The following CHST11 variants were observed in gnomAD, a reference collection of about 807,000 sequenced individuals.
CHST11 encodes carbohydrate sulfotransferase 11.
A neutral mutation model predicts 30.4 loss-of-function variants in CHST11; 9 were observed. The observed-to-expected ratio is 0.30, with a 90% confidence interval of 0.18 to 0.52. The LOEUF (loss-of-function observed/expected upper bound fraction) is 0.52. Among genes scored for constraint, CHST11 ranks in the 20% least tolerant of loss-of-function variants. CHST11 has a pLI of 0.97. For synonymous variants in CHST11, 152 were observed against 187.8 expected (o/e 0.81, Z 1.56); for missense variants, 348 against 460.6 (o/e 0.76, Z 2.24).
At position 104,757,875 on chromosome 12, in the gene CHST11, T is replaced by C. The variant is rs538313216; in HGVS notation, c.*72T>C. 5.1e-6 allele frequency: 7 copies of C among 1,385,718 alleles called. No homozygotes were observed. The African/African-American group carries it at 7.3e-5, about 14-fold the overall frequency. 85.8% of individuals were successfully genotyped at this position (1,385,718 alleles called of 1,614,324 possible). ...TTATTTGTCAAAAGAATTATATGGA[T>C]ATTGGGTTATTTTGTAAATTAATAT... On this transcript the variant is annotated 3_prime_UTR_variant, in exon 3 of 3. Coordinates refer to ENST00000303694, the MANE Select transcript of CHST11 (RefSeq NM_018413.6). This position sits in a 1 kb window ranked among gnomAD's most constrained non-coding sequence, Gnocchi z 6.5.
At chr12:104,755,455 C>G (rs1315876444) in intron 2 of CHST11, among the ~76,000 whole-genome samples, 1 of 152,090 alleles carries the variant, frequency 6.6e-6, no homozygotes, top group African/African-American at 2.4e-5. Flanking sequence ...GGTTATTCCA[C>G]TTGTGTGGCA....
At chr12:104,699,936 T>C (rs1469444923) in intron 2 of CHST11, among the ~76,000 whole-genome samples, 1 of 152,234 alleles carries the variant, frequency 6.6e-6, no homozygotes, top group Admixed American at 6.5e-5. Context: ...CCAAATCTCT[T>C]GGTTCCACTC....
At chr12:104,552,196 T>C (rs1313218768) in intron 1 of CHST11, 1 of 152,284 alleles carries the variant, frequency 6.6e-6, no homozygotes, top group African/African-American at 2.4e-5. Flanking sequence ...GGCCTAACAC[T>C]GTATGCCACT....
chr12:104,488,445 A>G (rs1472703807), intron 1 of CHST11, among the ~76,000 whole-genome samples: 3 of 141,460 alleles, frequency 2.1e-5, no homozygotes, highest in Non-Finnish European at 3.1e-5. Context: ...GCATGTATGT[A>G]TGTGTGTATA....
chr12:104,463,208 T>C (rs149345479), intron 1 of CHST11, among the ~76,000 whole-genome samples: 266 of 152,326 alleles, frequency 1.7e-3, no homozygotes, highest in African/African-American at 5.2e-3. Flanking sequence ...AAGGCTCTCA[T>C]GAAAGTCATT....
intron 1 of CHST11, among the ~76,000 whole-genome samples, chr12:104,574,737 T>C (rs2136026831): frequency 6.6e-6 from 1 of 152,022 alleles, no homozygotes; most frequent in South Asian, 2.1e-4. Flanking sequence ...AGGGATAGCA[T>C]TAGGAGATAT....
At chr12:104,604,959 A>G (rs1486717103) in intron 2 of CHST11, among the ~76,000 whole-genome samples, 4 of 152,132 alleles carry the variant, frequency 2.6e-5, no homozygotes, top group Non-Finnish European at 2.9e-5. Flanking sequence ...TAGGTTTTAT[A>G]TCCCCATTTT....
At chr12:104,709,822 C>G (rs1420965457) in intron 2 of CHST11, among the ~76,000 whole-genome samples, 1 of 152,168 alleles carries the variant, frequency 6.6e-6, no homozygotes, top group East Asian at 1.9e-4. Flanking sequence ...TTTGAAATAA[C>G]AAAAACTGAA....
intron 2 of CHST11, among the ~76,000 whole-genome samples, chr12:104,617,723 T>A (rs1385810452): frequency 6.6e-6 from 1 of 152,220 alleles, no homozygotes; most frequent in Non-Finnish European, 1.5e-5. Context: ...TTATACTTAC[T>A]GGCAGAGCAA....
At chr12:104,693,275 G>C (rs929291005) in intron 2 of CHST11, among the ~76,000 whole-genome samples, 37 of 152,178 alleles carry the variant, frequency 2.4e-4, no homozygotes, top group African/African-American at 8.4e-4. Flanking sequence ...AAATTTGAAG[G>C]GGTCACAGAT....
rs779782743 is a variant in CHST11, at chr12:104,457,422, C to A, written c.11C>A (p.Ala4Glu). MKP[A>E]LLEVMRMNRI... ...AGCCAGGACAAAGCCATGAAGCCAGCGCTGCTGGAAGTGATGAGGATGAAC... is the reference window on the plus strand; with the variant it reads ...AGCCAGGACAAAGCCATGAAGCCAGAGCTGCTGGAAGTGATGAGGATGAAC... Residue 4 changes from alanine (A) to glutamate (E), a missense_variant, in exon 1 of 3, where the codon GCG becomes GAG. By Grantham distance (107) the Ala-to-Glu change is moderately radical (BLOSUM62 -1). Transcript: ENST00000303694. 4 of 1,613,436 alleles carry A rather than the reference C, an allele frequency of 2.5e-6. No homozygotes were observed. The highest frequency in any genetic ancestry group is 1.1e-5 in the South Asian group (1 of 91,058).
intron 2 of CHST11, among the ~76,000 whole-genome samples, chr12:104,706,179 C>A (rs1036381825): frequency 2.0e-5 from 3 of 151,022 alleles, no homozygotes; most frequent in Non-Finnish European, 4.4e-5. Flanking sequence ...AGGTCAGGAG[C>A]TCGAGACCAG....
intron 2 of CHST11, among the ~76,000 whole-genome samples, chr12:104,694,175 G>T (rs1414303413): frequency 6.6e-6 from 1 of 152,142 alleles, no homozygotes; most frequent in Non-Finnish European, 1.5e-5. Flanking sequence ...GGGGCAGGGG[G>T]TAGCTTGTAT....
At chr12:104,604,134 TA>T (rs772626993) in intron 2 of CHST11, among the ~76,000 whole-genome samples, 5 of 152,280 alleles carry the variant, frequency 3.3e-5, no homozygotes, top group Admixed American at 6.5e-5. Context: ...GGTCCCATTG[TA>T]AACCAGTCAT....
At chr12:104,540,153 T>A (rs2038273212) in intron 1 of CHST11, among the ~76,000 whole-genome samples, 1 of 152,184 alleles carries the variant, frequency 6.6e-6, no homozygotes, top group Non-Finnish European at 1.5e-5. Flanking sequence ...TTTATGGAAT[T>A]TTTTTCTGAA....
chr12:104,670,632 C>G (rs771570255), intron 2 of CHST11, among the ~76,000 whole-genome samples: 4 of 150,854 alleles, frequency 2.7e-5, no homozygotes, highest in Non-Finnish European at 5.9e-5. Context: ...CGCACTCACA[C>G]TCATGCACAC....
chr12:104,601,777 T>TC (rs1443077446), intron 1 of CHST11, 129 bp from the exon 2 acceptor site: 6 of 687,966 alleles, frequency 8.7e-6, no homozygotes, highest in African/African-American at 1.8e-5. Context: ...GTGGAAATCT[T>TC]CCTTTGCTAG....
At chr12:104,640,836 G>T (rs2039369945) in intron 2 of CHST11, among the ~76,000 whole-genome samples, 2 of 152,154 alleles carry the variant, frequency 1.3e-5, no homozygotes, top group Non-Finnish European at 1.5e-5. Flanking sequence ...GCAGAAGAGG[G>T]TTGGTCCCCA....
Position 104,458,677 on chromosome 12 carries a change from A to C in CHST11, c.118+1148A>C, listed in dbSNP as rs1000486054. 6.6e-6 allele frequency among the ~76,000 whole-genome samples: 1 copy of C among 152,266 alleles called. No homozygotes were observed. Among genetic ancestry groups the C allele is most frequent in the Non-Finnish European group, 1.5e-5 (1 of 68,044 alleles). ...GCCCCCTGCCGGGCCACGTTGGCTC[A>C]GAAATCCATTTTCTACGCCTCCGAG... On this transcript the variant is annotated intron_variant, in intron 1 of 2. Transcript: ENST00000303694. The surrounding 1 kb of genome is among the most constrained non-coding windows in gnomAD (Gnocchi z 5.7).
Sources: gnomAD v4.1 joint callset for allele counts (sites outside exome capture counted in the v4.1 genomes callset) on GRCh38, gnomAD v4.1.1 for gene constraint, Gnocchi (gnomAD v3.1) non-coding constraint, MANE v1.5 for transcripts, NCBI Gene and HGNC (gene_info 2026-07-23, HGNC 2026-07-21) for gene names.